Variants in TRMT11 observed in about 807,000 individuals in gnomAD.
TRMT11 encodes the protein tRNA methyltransferase 11.
Under a neutral mutation model 62.8 loss-of-function variants are expected in TRMT11, and 53 were observed. The ratio of observed to expected loss-of-function variants is 0.84; its 90% CI spans 0.68 to 1.06. The LOEUF (loss-of-function observed/expected upper bound fraction) is 1.06. TRMT11 is among the 50% of genes least tolerant of loss of function. TRMT11 has a pLI of 0.00. For synonymous variants in TRMT11, 188 were observed against 190.3 expected (o/e 0.99, Z 0.10); for missense variants, 556 against 553.4 (o/e 1.00, Z -0.05).
intron 1 of TRMT11, among the ~76,000 whole-genome samples, chr6:125,987,718 A>G (rs2128722398): frequency 6.6e-6 from 1 of 152,300 alleles, no homozygotes; most frequent in Middle Eastern, 3.4e-3. Flanking sequence ...GGATTGATTG[A>G]ATATGTGGGA....
At chr6:126,111,957 GTAAGT>G (rs111998725) in intron 17 of TRMT11, among the ~76,000 whole-genome samples, 9,324 of 152,110 alleles carry the variant, frequency 0.061, 911 homozygotes, top group African/African-American at 0.21. Context: ...TTGCCGTAAG[GTAAGT>G]TATTACTGAA....
At chr6:126,038,451 AAAG>A (rs1328023018) in intron 12 of TRMT11, among the ~76,000 whole-genome samples, 57 of 134,914 alleles carry the variant, frequency 4.2e-4, no homozygotes, top group Non-Finnish European at 6.6e-4. Context: ...AAAAAAAAAA[AAAG>A]AAAAAAAGAA....
chr6:126,218,686 G>A, the TRMT11 span, among the ~76,000 whole-genome samples: 12 of 152,220 alleles, frequency 7.9e-5, no homozygotes, highest in Admixed American at 7.2e-4. Context: ...CGCTCCCTGG[G>A]GTTGGAGGAG....
intron 17 of TRMT11, among the ~76,000 whole-genome samples, chr6:126,096,616 T>G (rs1332913822): frequency 6.6e-6 from 1 of 152,116 alleles, no homozygotes; most frequent in Non-Finnish European, 1.5e-5. Context: ...ATTAGGGCAC[T>G]GGTACTGATT....
intron 17 of TRMT11, among the ~76,000 whole-genome samples, chr6:126,106,990 T>A (rs538434438): frequency 1.2e-3 from 187 of 151,644 alleles, no homozygotes; most frequent in Non-Finnish European, 2.0e-3. Context: ...ATTATTGTCC[T>A]ATATACAATT....
intron 3 of TRMT11, among the ~76,000 whole-genome samples, chr6:125,997,026 T>C (rs1297643273): frequency 1.3e-5 from 2 of 152,222 alleles, no homozygotes; most frequent in Admixed American, 1.3e-4. Flanking sequence ...GCTTGTTAGG[T>C]TTAAAATAGC....
intron 7 of TRMT11, among the ~76,000 whole-genome samples, chr6:126,007,999 C>T (rs1395088701): frequency 6.6e-6 from 1 of 151,984 alleles, no homozygotes; most frequent in East Asian, 1.9e-4. Context: ...TGAGCCTAGT[C>T]ATCAGAATTT....
At chr6:126,216,967 A>T in the TRMT11 span, among the ~76,000 whole-genome samples, 7 of 152,068 alleles carry the variant, frequency 4.6e-5, no homozygotes, top group Non-Finnish European at 1.0e-4. Context: ...TGTATTTTCA[A>T]ATAGCCTATC....
chr6:125,986,752 G>A, intron 1 of TRMT11, 130 bp downstream of exon 1: 1 of 854,466 alleles, frequency 1.2e-6, no homozygotes, highest in Non-Finnish European at 1.8e-6. Context: ...CGCGGGTCAC[G>A]CGTCCCCAGT....
At chr6:126,107,331 G>A (rs2128184407) in intron 17 of TRMT11, among the ~76,000 whole-genome samples, 1 of 152,270 alleles carries the variant, frequency 6.6e-6, no homozygotes, top group Middle Eastern at 3.4e-3. Context: ...GCGTCAGAAT[G>A]CAAAACAGTC....
intron 1 of TRMT11, among the ~76,000 whole-genome samples, chr6:126,183,633 G>A (rs775612112): frequency 7.9e-5 from 12 of 152,120 alleles, no homozygotes; most frequent in Non-Finnish European, 1.3e-4. Context: ...CAATGGTACT[G>A]GACAGGGAAT....
chr6:126,113,487 T>C (rs1254804918), intron 18 of TRMT11, among the ~76,000 whole-genome samples: 1 of 152,092 alleles, frequency 6.6e-6, no homozygotes. Flanking sequence ...TACTTGTACT[T>C]TAGCATATAC....
At chr6:126,152,309 T>C (rs2128223206) in intron 21 of TRMT11, among the ~76,000 whole-genome samples, 1 of 151,910 alleles carries the variant, frequency 6.6e-6, no homozygotes, top group African/African-American at 2.4e-5. Context: ...AGCACAGTTA[T>C]TACTTTTTAA....
At chr6:126,080,297 G>A (rs1028688751) in intron 17 of TRMT11, among the ~76,000 whole-genome samples, 8 of 151,884 alleles carry the variant, frequency 5.3e-5, no homozygotes. Context: ...TTTTGGTAGA[G>A]AAAGGGTCTC....
In TRMT11 at chr6:126,119,894, T is replaced by G. The variant is rs555632057; in HGVS notation, c.*1823+4039T>G. On this transcript the variant is annotated intron_variant and NMD_transcript_variant, in intron 21 of 22. Coordinates refer to the TRMT11 transcript ENST00000648977. ...AACCCAAAGATGTTCACTGGGACAT[T>G]ATTTAAAATAGCAAAAATATTAGAA... 2.0e-5 allele frequency among the ~76,000 whole-genome samples: 3 copies of G among 152,240 alleles called. No homozygotes were observed. The South Asian group carries it at 6.2e-4, about 32-fold the overall frequency.
At chr6:126,093,380 A>AT (rs1777297030) in intron 17 of TRMT11, among the ~76,000 whole-genome samples, 1 of 151,388 alleles carries the variant, frequency 6.6e-6, no homozygotes, top group Non-Finnish European at 1.5e-5. Flanking sequence ...GTTTCTACGT[A>AT]TTTGAAATTT....
chr6:126,265,534 T>A, the TRMT11 span, among the ~76,000 whole-genome samples: 1 of 152,134 alleles, frequency 6.6e-6, no homozygotes, highest in Non-Finnish European at 1.5e-5. Context: ...GAAACAACAG[T>A]AGCATTGAAG....
At chr6:126,044,127 C>T (rs896420858), downstream of TRMT11, among the ~76,000 whole-genome samples, 1 of 151,786 alleles carries the variant, frequency 6.6e-6, no homozygotes, top group South Asian at 2.1e-4. Context: ...GAAGTCCTTG[C>T]CCATGCCTAT....
chr6:126,261,706 C>G, the TRMT11 span, among the ~76,000 whole-genome samples: 1 of 152,124 alleles, frequency 6.6e-6, no homozygotes, highest in African/African-American at 2.4e-5. Context: ...TAATCACTGT[C>G]AGTAATTTCT....
Sources: gnomAD v4.1 joint callset for allele counts (sites outside exome capture counted in the v4.1 genomes callset) on GRCh38, gnomAD v4.1.1 for gene constraint, MANE v1.5 for transcripts, NCBI Gene and HGNC (gene_info 2026-07-23, HGNC 2026-07-21) for gene names.